Variants in TLE4 observed in about 807,000 individuals in gnomAD.
TLE4 encodes TLE family member 4, transcriptional corepressor.
Under a neutral mutation model 92.8 loss-of-function variants are expected in TLE4, and 8 were observed. The observed-to-expected ratio is 0.09, with a 90% CI of 0.05 to 0.16. The LOEUF is 0.16. Among genes scored for constraint, TLE4 ranks in the 10% least tolerant of loss-of-function variants. TLE4 has a pLI of 1.00. For synonymous variants in TLE4, 371 were observed against 374.1 expected (o/e 0.99, Z 0.10); for missense variants, 675 against 997.6 (o/e 0.68, Z 4.36).
In TLE4 at chr9:79,572,719, C is replaced by T; in HGVS notation, c.-72C>T. ...CCGGCCGCCTCCGCTGCCGCGGCCG[C>T]CTCCTCTTCGGGGTCATTAAAGCCA... On this transcript the variant is annotated 5_prime_UTR_variant, in exon 1 of 20. Transcript: ENST00000376552. 6.6e-7 allele frequency: 1 copy of T among 1,525,064 alleles called. No homozygotes were observed. The highest frequency in any genetic ancestry group is 8.9e-7 in the Non-Finnish European group (1 of 1,121,176). 94.5% of individuals were successfully genotyped at this position (1,525,064 alleles called of 1,614,324 possible). A position where few individuals can be genotyped will look rare whatever the true frequency, so the allele number is the denominator to read the frequency against.
intron 8 of TLE4, among the ~76,000 whole-genome samples, chr9:79,686,858 T>G (rs892898164): frequency 2.0e-5 from 3 of 152,228 alleles, no homozygotes; most frequent in Non-Finnish European, 4.4e-5. Context: ...GAGCGAAGTT[T>G]ATCTGTCAGT....
chr9:79,708,672 C>T lies in TLE4; in HGVS notation c.1149C>T (p.Asn383=), dbSNP rs373028396. 56 of 1,613,942 alleles carry T rather than the reference C, an allele frequency of 3.5e-5. No homozygotes were observed. Among genetic ancestry groups the T allele is most frequent in the Middle Eastern group, 3.3e-4 (2 of 6,084 alleles). The stretch of plus-strand genomic sequence containing the variant: ...GGATTGTGCCCCATGCTGGAATGAA[C>T]GGAGAGCTGACCAGCCCCGGAGCGG... ...PFGIVPHAGM[N]GELTSPGAAY... is the part of the protein sequence containing the mutation. Residue 383 remains asparagine, a synonymous_variant, in exon 13 of 20, where the codon AAC becomes AAT. Transcript: ENST00000376552.
chr9:79,689,612 G>C (rs1415172821), intron 8 of TLE4, among the ~76,000 whole-genome samples: 1 of 152,140 alleles, frequency 6.6e-6, no homozygotes, highest in Non-Finnish European at 1.5e-5. Flanking sequence ...CTTATGACAT[G>C]GTTATGATTG....
chr9:79,709,648 T>C lies in TLE4; in HGVS notation c.1289T>C (p.Met430Thr), dbSNP rs2072705562. 1 of 1,614,134 alleles carries C rather than the reference T, an allele frequency of 6.2e-7. No individual in the cohort carries two copies. Among genetic ancestry groups the C allele is most frequent in the Non-Finnish European group, 8.5e-7 (1 of 1,180,004 alleles). ...PVVGFDPHHH[M>T]RVPAIPPNLT... ...GTGGGATTTGATCCACACCATCACATGCGTGTGCCAGCAATACCTCCAAAC... is the reference window on the plus strand; with the variant it reads ...GTGGGATTTGATCCACACCATCACACGCGTGTGCCAGCAATACCTCCAAAC... Residue 430 changes from methionine (M) to threonine (T), a missense_variant, in exon 14 of 20, where the codon ATG (methionine) becomes ACG (threonine). Around this residue, in one of 5 missense-constraint regions of TLE4, gnomAD observed 119 missense variants for 175.9 expected, o/e 0.68. Transcript: ENST00000376552.
At chr9:79,694,171 A>G (rs544658157) in intron 8 of TLE4, among the ~76,000 whole-genome samples, 3 of 152,284 alleles carry the variant, frequency 2.0e-5, no homozygotes, top group East Asian at 1.9e-4. Context: ...AAGGAGAAAG[A>G]GGGAGAGGGA....
At chr9:79,679,325 G>A (rs1436278760) in intron 8 of TLE4, among the ~76,000 whole-genome samples, 3 of 152,174 alleles carry the variant, frequency 2.0e-5, no homozygotes, top group Non-Finnish European at 2.9e-5. Context: ...ACTGGTGTGA[G>A]ATGGTATCTC....
intron 8 of TLE4, among the ~76,000 whole-genome samples, chr9:79,689,362 T>C (rs989304494): frequency 6.6e-6 from 1 of 151,762 alleles, no homozygotes. Flanking sequence ...GGGTTTACAA[T>C]AGCAATAATG....
intron 8 of TLE4, among the ~76,000 whole-genome samples, chr9:79,692,706 G>T (rs917264932): frequency 2.0e-5 from 3 of 152,120 alleles, no homozygotes; most frequent in Non-Finnish European, 4.4e-5. Context: ...CATAGATGAT[G>T]CCTTCTTGCT....
intron 8 of TLE4, chr9:79,693,756 C>A: frequency 2.3e-6 from 1 of 426,746 alleles, no homozygotes; most frequent in South Asian, 1.8e-5. Flanking sequence ...GTCCTTCGAA[C>A]CATATTTAGT....
intron 4 of TLE4, among the ~76,000 whole-genome samples, chr9:79,593,345 C>G (rs1197041313): frequency 6.6e-6 from 1 of 152,146 alleles, no homozygotes; most frequent in Non-Finnish European, 1.5e-5. Flanking sequence ...CCCACACCTC[C>G]TACCACACAC....
chr9:79,688,410 C>T (rs1291319021), intron 8 of TLE4, among the ~76,000 whole-genome samples: 1 of 152,020 alleles, frequency 6.6e-6, no homozygotes, highest in Non-Finnish European at 1.5e-5. Flanking sequence ...CTTTATGTGG[C>T]GTTCTTGGGC....
chr9:79,711,265 A>C (rs931184227), intron 14 of TLE4, among the ~76,000 whole-genome samples: 1 of 152,200 alleles, frequency 6.6e-6, no homozygotes, highest in African/African-American at 2.4e-5. Flanking sequence ...GTTCCTCAAG[A>C]GTTGAAGGTA....
chr9:79,583,524 C>T (rs754389140), intron 4 of TLE4, among the ~76,000 whole-genome samples: 1 of 152,136 alleles, frequency 6.6e-6, no homozygotes. Context: ...GTGCTTGGGA[C>T]CTCTGCAGGG....
At chr9:79,646,085 A>ATAT (rs1554737858) in intron 6 of TLE4, among the ~76,000 whole-genome samples, 8 of 146,784 alleles carry the variant, frequency 5.5e-5, no homozygotes, top group African/African-American at 2.1e-4. Context: ...ATATATATAT[A>ATAT]TTTTTTTTAA....
intron 5 of TLE4, among the ~76,000 whole-genome samples, chr9:79,612,946 C>G (rs1427640760): frequency 6.6e-6 from 1 of 152,064 alleles, no homozygotes; most frequent in East Asian, 1.9e-4. Flanking sequence ...TTGGGCTAAG[C>G]AAAATTCAGT....
intron 4 of TLE4, among the ~76,000 whole-genome samples, chr9:79,593,924 A>T (rs889941059): frequency 2.6e-5 from 4 of 152,228 alleles, no homozygotes; most frequent in African/African-American, 7.2e-5. Flanking sequence ...AAATATTTTT[A>T]AAAATCTAGT....
At chr9:79,595,338 T>TA (rs1333272096) in intron 4 of TLE4, among the ~76,000 whole-genome samples, 1 of 152,206 alleles carries the variant, frequency 6.6e-6, no homozygotes, top group Admixed American at 6.5e-5. Flanking sequence ...AACTATTTCT[T>TA]AAAGATGGGT....
intron 4 of TLE4, among the ~76,000 whole-genome samples, chr9:79,593,210 A>G (rs1482473393): frequency 2.0e-5 from 3 of 152,232 alleles, no homozygotes; most frequent in Non-Finnish European, 2.9e-5. Flanking sequence ...ATTCCAAAAA[A>G]AAACGAAAAC....
rs1353674392 is a variant in TLE4 at position 79,722,495 on chromosome 9, G to T, written c.2031G>T (p.Val677=). The change falls in exon 18 of 20, where the codon GTG becomes GTT. Residue 677 remains valine (V), a synonymous_variant. Transcript: ENST00000376552. ...GYCPTGEWLA[V]GMENSNVEVL... The stretch of plus-strand genomic sequence containing the variant: ...GCCCAACTGGAGAGTGGCTTGCAGT[G>T]GGGATGGAGAACAGCAATGTGGAAG... 3 of 1,614,074 alleles carry T rather than the reference G, an allele frequency of 1.9e-6. No homozygotes were observed. The highest frequency in any genetic ancestry group is 2.5e-6 in the Non-Finnish European group (3 of 1,180,030).
Sources: gnomAD v4.1 joint callset for allele counts (sites outside exome capture counted in the v4.1 genomes callset) on GRCh38, gnomAD v4.1.1 for gene constraint, gnomAD v4.1.1 regional missense constraint, MANE v1.5 for transcripts, NCBI Gene and HGNC (gene_info 2026-07-23, HGNC 2026-07-21) for gene names.